Variants in TNRC6B observed in about 807,000 individuals in gnomAD.
TNRC6B encodes the protein trinucleotide repeat-containing gene 6B protein.
TNRC6B carries 52 observed loss-of-function variants against 203.6 expected under a neutral mutation model. That is an observed-to-expected ratio of 0.26 (90% confidence interval 0.20 to 0.32). TNRC6B has a LOEUF of 0.32. Ranked by LOEUF, TNRC6B falls within the 10% of genes least tolerant of loss-of-function variation. The probability of loss-of-function intolerance (pLI) is 1.00; values close to 1 mark genes in which losing one functional copy is unlikely to be tolerated. For missense variants in TNRC6B, 1,923 were observed against 2,286.2 expected (o/e 0.84, Z 3.24); for synonymous variants, 838 against 845.7 (o/e 0.99, Z 0.16).
chr22:40,088,455 A>G (rs1312451103), intron 1 of TNRC6B, among the ~76,000 whole-genome samples: 2 of 152,238 alleles, frequency 1.3e-5, no homozygotes, highest in African/African-American at 2.4e-5. Flanking sequence ...ACTGTTGCCC[A>G]GGCTGGAGTG....
chr22:40,189,152 T>C (rs2069240952), intron 1 of TNRC6B, among the ~76,000 whole-genome samples: 1 of 152,164 alleles, frequency 6.6e-6, no homozygotes, highest in African/African-American at 2.4e-5. Context: ...GCCCAGAGTG[T>C]TGTCTTCCCC....
At chr22:40,290,316 A>G (rs1251760185) in intron 12 of TNRC6B, among the ~76,000 whole-genome samples, 1 of 152,206 alleles carries the variant, frequency 6.6e-6, no homozygotes, top group Admixed American at 6.5e-5. Flanking sequence ...CGTTGCAGGA[A>G]GTTCTGCACA....
At chr22:40,160,476 C>CAG in intron 4 of TNRC6B, among the ~76,000 whole-genome samples, 1 of 128,050 alleles carries the variant, frequency 7.8e-6, no homozygotes, top group African/African-American at 2.9e-5. Context: ...AACTCCGTCT[C>CAG]AAAAAAAAAA....
At chr22:40,047,471 T>C (rs113627899) in intron 1 of TNRC6B, among the ~76,000 whole-genome samples, 1,246 of 144,704 alleles carry the variant, frequency 8.6e-3, no homozygotes, top group African/African-American at 0.033. Context: ...GGCGTGGTGG[T>C]GGGCGCCTGT....
intron 1 of TNRC6B, among the ~76,000 whole-genome samples, chr22:40,073,820 G>T (rs992904974): frequency 2.0e-5 from 3 of 152,116 alleles, no homozygotes; most frequent in Non-Finnish European, 4.4e-5. Context: ...CACTTTGGGA[G>T]GCCGAGGTGG....
intron 15 of TNRC6B, among the ~76,000 whole-genome samples, chr22:40,302,170 T>C (rs962310549): frequency 6.6e-6 from 1 of 152,202 alleles, no homozygotes; most frequent in Non-Finnish European, 1.5e-5. Flanking sequence ...AAATCATAGC[T>C]CTTTCAGAAC....
In TNRC6B at chr22:40,325,764, T is replaced by C. The variant is rs1233787697; in HGVS notation, c.*2523T>C. Reference sequence around the variant, plus strand: ...CTGGGCCAGGAGCATATCCCAAGGCTCCTGCGAGCCAGTGGCGACCCTGTC... The same window carrying C: ...CTGGGCCAGGAGCATATCCCAAGGCCCCTGCGAGCCAGTGGCGACCCTGTC... On this transcript the variant is annotated 3_prime_UTR_variant, in exon 23 of 23. Transcript: ENST00000454349. 1.3e-5 allele frequency: 2 copies of C among 152,604 alleles called. No individual in the cohort carries two copies. The highest frequency in any genetic ancestry group is 1.5e-5 in the Non-Finnish European group (1 of 68,054). The allele number at this position is 152,604 out of a possible 1,614,324, so 9.5% of individuals were successfully genotyped here. A position where few individuals can be genotyped will look rare whatever the true frequency, so the allele number is the denominator to read the frequency against.
At chr22:40,079,236 C>A (rs2068045729) in intron 1 of TNRC6B, among the ~76,000 whole-genome samples, 1 of 152,018 alleles carries the variant, frequency 6.6e-6, no homozygotes, top group South Asian at 2.1e-4. Context: ...CAAATGAAAG[C>A]TTTCATTAAA....
intron 1 of TNRC6B, among the ~76,000 whole-genome samples, chr22:40,205,015 T>C (rs911887307): frequency 6.6e-6 from 1 of 152,232 alleles, no homozygotes; most frequent in African/African-American, 2.4e-5. Context: ...GAAGACAGTA[T>C]ACAACTATGT....
At chr22:40,207,908 A>C (rs1048510844) in intron 1 of TNRC6B, among the ~76,000 whole-genome samples, 1 of 151,950 alleles carries the variant, frequency 6.6e-6, no homozygotes, top group Non-Finnish European at 1.5e-5. Context: ...GTCAGGAGAT[A>C]GAGACCATCC....
At chr22:40,056,110 T>G (rs2067792928) in intron 1 of TNRC6B, among the ~76,000 whole-genome samples, 1 of 152,204 alleles carries the variant, frequency 6.6e-6, no homozygotes, top group South Asian at 2.1e-4. Context: ...TACTCTTAAG[T>G]AGTGTCTCCT....
chr22:40,128,232 T>C (rs1215202426), intron 3 of TNRC6B, among the ~76,000 whole-genome samples: 1 of 152,190 alleles, frequency 6.6e-6, no homozygotes, highest in Non-Finnish European at 1.5e-5. Context: ...TAAAATCTTA[T>C]ATTTGGAGGC....
At chr22:40,209,203 T>C (rs1286877577) in intron 1 of TNRC6B, among the ~76,000 whole-genome samples, 1 of 152,224 alleles carries the variant, frequency 6.6e-6, no homozygotes, top group African/African-American at 2.4e-5. Flanking sequence ...ATGTGAATAA[T>C]TGGCTAAGAG....
chr22:40,159,967 G>A (rs570392006), intron 4 of TNRC6B, among the ~76,000 whole-genome samples: 1 of 151,910 alleles, frequency 6.6e-6, no homozygotes, highest in South Asian at 2.1e-4. Flanking sequence ...ACATACCACC[G>A]TACCCAGCTA....
At chr22:40,056,194 T>C (rs2067794100) in intron 1 of TNRC6B, among the ~76,000 whole-genome samples, 1 of 152,220 alleles carries the variant, frequency 6.6e-6, no homozygotes, top group Non-Finnish European at 1.5e-5. Context: ...AGGATGTCCA[T>C]ACCTTGTTGG....
intron 3 of TNRC6B, 42 bp from the exon 4 acceptor site, chr22:40,261,790 T>C: frequency 7.2e-7 from 1 of 1,384,072 alleles, no homozygotes; most frequent in Non-Finnish European, 9.6e-7. Flanking sequence ...AAAAATGTAT[T>C]TGATGTATTT....
intron 15 of TNRC6B, among the ~76,000 whole-genome samples, chr22:40,307,173 T>C (rs1178660534): frequency 1.3e-5 from 2 of 152,018 alleles, no homozygotes; most frequent in Non-Finnish European, 2.9e-5. Context: ...TTTTACTTGA[T>C]TTATTATGTG....
chr22:40,075,156 A>ATATATATATATATATATATTT, intron 1 of TNRC6B, among the ~76,000 whole-genome samples: 2 of 35,556 alleles, frequency 5.6e-5, no homozygotes, highest in East Asian at 7.5e-4. Flanking sequence ...ATATATATAT[A>ATATATATATATATATATATTT]TTTTTTTTTT....
intron 1 of TNRC6B, among the ~76,000 whole-genome samples, chr22:40,066,992 C>T (rs2067899852): frequency 6.6e-6 from 1 of 151,712 alleles, no homozygotes; most frequent in African/African-American, 2.4e-5. Flanking sequence ...CAACTTCAAC[C>T]TCCGAGGCTC....
Sources: allele counts gnomAD v4.1 joint callset (sites outside exome capture counted in the v4.1 genomes callset), GRCh38; gene constraint gnomAD v4.1.1; transcripts MANE v1.5; gene names NCBI Gene and HGNC (gene_info 2026-07-23, HGNC 2026-07-21).